SPECC1L: variants seen among roughly 807,000 people sequenced by gnomAD.
SPECC1L encodes the protein sperm antigen with calponin homology and coiled-coil domains 1 like.
SPECC1L carries 40 observed loss-of-function variants against 116.8 expected under a neutral mutation model. The ratio of observed to expected loss-of-function variants is 0.34; its 90% CI spans 0.27 to 0.45. SPECC1L has a LOEUF of 0.45. SPECC1L is among the 20% of genes least tolerant of loss of function. The pLI, the probability that SPECC1L is intolerant of heterozygous loss-of-function variation, is 1.00. For missense variants in SPECC1L, 1,110 were observed against 1,373.6 expected (o/e 0.81, Z 3.03); for synonymous variants, 504 against 500.6 (o/e 1.01, Z -0.09).
intron 8 of SPECC1L, among the ~76,000 whole-genome samples, chr22:24,333,777 G>A (rs2040989004): frequency 6.6e-6 from 1 of 152,100 alleles, no homozygotes; most frequent in South Asian, 2.1e-4. Context: ...AGGACCTGGA[G>A]AGTCTCAGCT....
chr22:24,338,877 G>A (rs948848147), intron 10 of SPECC1L, among the ~76,000 whole-genome samples: 3 of 152,210 alleles, frequency 2.0e-5, no homozygotes, highest in Admixed American at 2.0e-4. Context: ...AAGTGGTAGA[G>A]TAGGGGTTCA....
chr22:24,326,439 A>G (rs2040823168), intron 6 of SPECC1L, among the ~76,000 whole-genome samples: 1 of 152,166 alleles, frequency 6.6e-6, no homozygotes, highest in Admixed American at 6.5e-5. Flanking sequence ...CTCCAGAGAT[A>G]AGGATCAGGG....
Position 24,344,874 on chromosome 22 carries a change from G to A in SPECC1L, c.2653-2212G>A, listed in dbSNP as rs1345557723. Among the ~76,000 whole-genome samples, 6 of 152,260 alleles carry A rather than the reference G, an allele frequency of 3.9e-5. No homozygotes were observed. In the East Asian group the frequency reaches 7.7e-4, roughly 20 times the overall value. On this transcript the variant is annotated intron_variant, in intron 10 of 16. Transcript: ENST00000314328. Reference sequence around the variant, plus strand: ...AATGAAAACAATAAAATATTGCCGAGAAAAATTGAATAAATAGAAAGTGAT... The same window carrying A: ...AATGAAAACAATAAAATATTGCCGAAAAAAATTGAATAAATAGAAAGTGAT...
intron 4 of SPECC1L, among the ~76,000 whole-genome samples, chr22:24,318,008 G>A (rs2040635382): frequency 6.6e-6 from 1 of 151,578 alleles, no homozygotes. Context: ...TGGGATGGCG[G>A]CTGGGCAGAG....
intron 14 of SPECC1L, among the ~76,000 whole-genome samples, chr22:24,396,348 A>T (rs537868570): frequency 3.3e-5 from 5 of 151,506 alleles, no homozygotes; most frequent in Admixed American, 3.3e-4. Flanking sequence ...TCACTCTGTC[A>T]CCCAGGCTGG....
intron 2 of SPECC1L, 74 bp from the exon 3 acceptor site, chr22:24,302,121 A>T: frequency 8.3e-7 from 1 of 1,198,806 alleles, no homozygotes; most frequent in East Asian, 2.5e-5. Flanking sequence ...ACATGGTAAA[A>T]TTCTTCGAAA....
intron 2 of SPECC1L, among the ~76,000 whole-genome samples, chr22:24,286,132 A>G (rs2049040412): frequency 6.6e-6 from 1 of 152,206 alleles, no homozygotes; most frequent in African/African-American, 2.4e-5. Context: ...CCTAGAATAT[A>G]GTTTCGAAGG....
In SPECC1L at chr22:24,411,607, T is replaced by TA; in HGVS notation, c.3107_3108insA (p.Phe1036LeufsTer7). 6.2e-7 allele frequency: 1 copy of TA among 1,614,170 alleles called. No individual in the cohort carries two copies. The highest frequency in any genetic ancestry group is 8.5e-7 in the Non-Finnish European group (1 of 1,180,008). On this transcript the variant is annotated frameshift_variant, in exon 15 of 17. Coordinates refer to ENST00000314328, the MANE Select transcript of SPECC1L (RefSeq NM_015330.6). LOFTEE classifies it high-confidence loss of function. ...CTTCAGAATATTGACATTACAAACT[T>TA]CAGCAGCAGCTGGAATGATGGGCTG... is the stretch of plus-strand genomic sequence containing the variant.
chr22:24,396,151 G>A (rs2042364118), intron 14 of SPECC1L, among the ~76,000 whole-genome samples: 1 of 152,116 alleles, frequency 6.6e-6, no homozygotes, highest in African/African-American at 2.4e-5. Flanking sequence ...ATCTAAACTT[G>A]TGGAAATTTT....
intron 10 of SPECC1L, among the ~76,000 whole-genome samples, chr22:24,346,067 C>T (rs1457482624): frequency 2.0e-5 from 3 of 150,194 alleles, no homozygotes; most frequent in Non-Finnish European, 4.4e-5. Flanking sequence ...AGTGCAGTGG[C>T]GCGATCTCGG....
At chr22:24,384,255 A>G (rs1264526215) in intron 14 of SPECC1L, among the ~76,000 whole-genome samples, 2 of 152,208 alleles carry the variant, frequency 1.3e-5, no homozygotes, top group Non-Finnish European at 2.9e-5. Flanking sequence ...GAAAAAAGAT[A>G]CTAGGTTAAG....
At chr22:24,323,772 A>G (rs1232096071) in intron 5 of SPECC1L, among the ~76,000 whole-genome samples, 1 of 152,250 alleles carries the variant, frequency 6.6e-6, no homozygotes, top group African/African-American at 2.4e-5. Flanking sequence ...TGGCACATAC[A>G]TGTTGAGAGG....
At position 24,301,322 on chromosome 22, in the gene SPECC1L, CAAAAG is replaced by C. The variant is rs140557273; in HGVS notation, c.-37-870_-37-866del. Among the ~76,000 whole-genome samples, 868 of 152,332 alleles carry C rather than the reference CAAAAG, an allele frequency of 5.7e-3. 4 individuals are homozygous for C. Among genetic ancestry groups the C allele is most frequent in the African/African-American group, 0.02 (836 of 41,580 alleles). On this transcript the variant is annotated intron_variant, in intron 2 of 16. Transcript: ENST00000314328. ...GCAAAGGATATGAACAGACACTTCT[CAAAAG>C]AAGACATTTACGTGGTCTTCTTTTA...
At chr22:24,307,370 T>C (rs1226355422) in intron 3 of SPECC1L, among the ~76,000 whole-genome samples, 1 of 152,240 alleles carries the variant, frequency 6.6e-6, no homozygotes, top group Non-Finnish European at 1.5e-5. Flanking sequence ...CTTTTTGCAC[T>C]GATTTGTGGT....
chr22:24,339,954 T>C (rs1287178853), intron 10 of SPECC1L, among the ~76,000 whole-genome samples: 1 of 151,942 alleles, frequency 6.6e-6, no homozygotes, highest in Admixed American at 6.6e-5. Context: ...CTGGCTGTTT[T>C]CTGTGTTTTT....
chr22:24,302,979 A>G (rs1421581097), intron 3 of SPECC1L, among the ~76,000 whole-genome samples: 1 of 151,766 alleles, frequency 6.6e-6, no homozygotes, highest in Non-Finnish European at 1.5e-5. Flanking sequence ...AAGAGATGAG[A>G]TATTATTCTT....
chr22:24,326,780 A>G (rs2040830395), intron 6 of SPECC1L, among the ~76,000 whole-genome samples: 1 of 152,204 alleles, frequency 6.6e-6, no homozygotes, highest in African/African-American at 2.4e-5. Context: ...TGACTTTGTT[A>G]CACAGTTTTG....
intron 6 of SPECC1L, among the ~76,000 whole-genome samples, chr22:24,325,476 T>C (rs915875262): frequency 6.6e-6 from 1 of 152,224 alleles, no homozygotes; most frequent in African/African-American, 2.4e-5. Flanking sequence ...ACAGACACTT[T>C]TAGTGCATTT....
At chr22:24,276,008 C>T (rs1228321799) in intron 1 of SPECC1L, among the ~76,000 whole-genome samples, 2 of 152,048 alleles carry the variant, frequency 1.3e-5, no homozygotes, top group African/African-American at 4.8e-5. Context: ...CCATTGTGCC[C>T]AGCCTAAACT....
Sources: allele counts gnomAD v4.1 joint callset (sites outside exome capture counted in the v4.1 genomes callset), GRCh38; gene constraint gnomAD v4.1.1; transcripts MANE v1.5; gene names NCBI Gene and HGNC (gene_info 2026-07-23, HGNC 2026-07-21).